The following LARGE1 variants were observed in gnomAD, a reference collection of about 807,000 sequenced individuals.
The protein encoded by LARGE1 is LARGE xylosyl- and glucuronyltransferase 1.
LARGE1 carries 43 observed loss-of-function variants against 87.6 expected under a neutral mutation model. The ratio of observed to expected loss-of-function variants is 0.49; its 90% confidence interval spans 0.38 to 0.63. The LOEUF is 0.63. LARGE1 is among the 30% of genes least tolerant of loss of function. The pLI is 0.00. For missense variants in LARGE1, 802 were observed against 1,000.2 expected (o/e 0.80, Z 2.67); for synonymous variants, 434 against 394.6 (o/e 1.10, Z -1.18).
At chr22:33,087,721 G>T in the LARGE1 span, among the ~76,000 whole-genome samples, 7 of 152,078 alleles carry the variant, frequency 4.6e-5, no homozygotes, top group Non-Finnish European at 7.4e-5. Flanking sequence ...GATCACCTGC[G>T]GCCAGGAGTT....
In LARGE1 at chr22:33,272,523, T is replaced by G. The variant is rs1264663737; in HGVS notation, c.*1904A>C. Among the ~76,000 whole-genome samples, 13 of 152,374 alleles carry G rather than the reference T, an allele frequency of 8.5e-5. No homozygotes were observed. Among genetic ancestry groups the G allele is most frequent in the African/African-American group, 3.1e-4 (13 of 41,584 alleles). The stretch of plus-strand genomic sequence containing the variant: ...TTGACATGTACTTTCAAAATTTTTG[T>G]TCTGCTTTATACATATATGTCACTT... On this transcript the variant is annotated 3_prime_UTR_variant, in exon 15 of 15. Coordinates refer to ENST00000397394, the MANE Select transcript of LARGE1 (RefSeq NM_133642.5).
intron 2 of LARGE1, among the ~76,000 whole-genome samples, chr22:33,690,941 G>A (rs972005296): frequency 1.3e-5 from 2 of 152,082 alleles, no homozygotes; most frequent in East Asian, 3.9e-4. Context: ...CAGAGCAGGC[G>A]CTCATGTGGA....
At chr22:33,672,329 C>T (rs1466836777) in intron 2 of LARGE1, among the ~76,000 whole-genome samples, 3 of 152,190 alleles carry the variant, frequency 2.0e-5, no homozygotes, top group African/African-American at 7.2e-5. Flanking sequence ...CATCTATTAA[C>T]CCTTCCACCT....
intron 2 of LARGE1, among the ~76,000 whole-genome samples, chr22:33,709,884 C>G (rs1038103895): frequency 2.0e-5 from 3 of 151,394 alleles, no homozygotes; most frequent in Non-Finnish European, 4.4e-5. Flanking sequence ...GCCTCGGCCT[C>G]TCAAAGTGCT....
At chr22:33,881,811 G>C (rs758626940) in intron 1 of LARGE1, among the ~76,000 whole-genome samples, 2 of 152,208 alleles carry the variant, frequency 1.3e-5, no homozygotes, top group Non-Finnish European at 2.9e-5. Flanking sequence ...CCTTAAGTGA[G>C]TGATCATCTT....
intron 7 of LARGE1, among the ~76,000 whole-genome samples, chr22:33,416,548 T>C (rs1301789529): frequency 2.6e-5 from 4 of 151,692 alleles, no homozygotes; most frequent in Non-Finnish European, 4.4e-5. Flanking sequence ...GTTTTGTGTG[T>C]TTTTTTTGGG....
chr22:33,869,581 G>A (rs927074612), intron 1 of LARGE1, among the ~76,000 whole-genome samples: 2 of 152,144 alleles, frequency 1.3e-5, no homozygotes, highest in Admixed American at 6.5e-5. Context: ...CCTCACTGAC[G>A]AGAAAACACC....
intron 1 of LARGE1, among the ~76,000 whole-genome samples, chr22:33,883,867 C>G (rs1481501996): frequency 6.6e-6 from 1 of 152,242 alleles, no homozygotes; most frequent in East Asian, 1.9e-4. Flanking sequence ...CTCCCTCTCT[C>G]TCCCTTCTGT....
chr22:33,128,808 A>G, the LARGE1 span, among the ~76,000 whole-genome samples: 1 of 152,232 alleles, frequency 6.6e-6, no homozygotes, highest in Non-Finnish European at 1.5e-5. Context: ...ACATGGATGG[A>G]GGTGAAAGCC....
At chr22:33,729,518 C>G (rs1276764150) in intron 2 of LARGE1, among the ~76,000 whole-genome samples, 1 of 152,196 alleles carries the variant, frequency 6.6e-6, no homozygotes, top group Non-Finnish European at 1.5e-5. Flanking sequence ...ATAATATGAT[C>G]AGTTAGGGTA....
chr22:33,851,726 G>A (rs1478434749), intron 1 of LARGE1, among the ~76,000 whole-genome samples: 2 of 152,238 alleles, frequency 1.3e-5, no homozygotes, highest in African/African-American at 4.8e-5. Context: ...ACTGTGTTCA[G>A]TGATTTAGGG....
intron 11 of LARGE1, among the ~76,000 whole-genome samples, chr22:33,314,305 C>A (rs974843738): frequency 6.6e-6 from 1 of 152,152 alleles, no homozygotes; most frequent in Non-Finnish European, 1.5e-5. Context: ...AAGAGACCGC[C>A]GGCCCCTGAA....
chr22:33,856,983 T>C (rs1226122402), intron 1 of LARGE1, among the ~76,000 whole-genome samples: 1 of 152,222 alleles, frequency 6.6e-6, no homozygotes, highest in Non-Finnish European at 1.5e-5. Flanking sequence ...CAGGCTGGAA[T>C]GCAGTGGCGT....
rs113707336 is a variant in LARGE1 at position 33,395,790 on chromosome 22, A to G, written c.893-11486T>C. On this transcript the variant is annotated intron_variant, in intron 7 of 14. Transcript: ENST00000397394. The stretch of plus-strand genomic sequence containing the variant: ...TACTTCTCACAGTGTATGATGTAGC[A>G]TTCTGTAGGATGCTAGTAAATGTTG... Among the ~76,000 whole-genome samples, 806 of 152,318 alleles carry G rather than the reference A, an allele frequency of 5.3e-3. 9 individuals are homozygous for G. Among genetic ancestry groups the G allele is most frequent in the African/African-American group, 0.018 (766 of 41,566 alleles).
the LARGE1 span, among the ~76,000 whole-genome samples, chr22:33,103,839 C>G: frequency 6.6e-6 from 1 of 152,062 alleles, no homozygotes; most frequent in Non-Finnish European, 1.5e-5. Context: ...GGGTGGTTTC[C>G]CTTATACTGT....
chr22:33,671,358 C>T (rs1603077565), intron 2 of LARGE1, among the ~76,000 whole-genome samples: 1 of 152,308 alleles, frequency 6.6e-6, no homozygotes, highest in East Asian at 1.9e-4. Flanking sequence ...GAATGGCCTG[C>T]AATTACACCT....
rs569565407 is a variant in LARGE1, at chr22:33,904,214, T to C, written c.-83+15781A>G. Among the ~76,000 whole-genome samples, 482 of 152,128 alleles carry C rather than the reference T, an allele frequency of 3.2e-3. 2 individuals are homozygous for C. The highest frequency in any genetic ancestry group is 0.011 in the African/African-American group (453 of 41,540). ...TCTTTTGAGATGGAGTCTCATTCTG[T>C]CGCCAGGCTGGGCTCACTGCAACCT... On this transcript the variant is annotated intron_variant, in intron 1 of 14. Coordinates refer to ENST00000397394, the MANE Select transcript of LARGE1 (RefSeq NM_133642.5).
At chr22:33,570,022 C>A (rs1174603952) in intron 5 of LARGE1, among the ~76,000 whole-genome samples, 1 of 152,206 alleles carries the variant, frequency 6.6e-6, no homozygotes, top group African/African-American at 2.4e-5. Context: ...CAGGACAGAA[C>A]AACAGAAGAG....
At chr22:33,457,407 C>T (rs1321402770) in intron 6 of LARGE1, among the ~76,000 whole-genome samples, 2 of 149,974 alleles carry the variant, frequency 1.3e-5, no homozygotes, top group African/African-American at 4.9e-5. Flanking sequence ...CTGCCCGCCT[C>T]AGGGCTCCCA....
Sources: gnomAD v4.1 joint callset for allele counts (sites outside exome capture counted in the v4.1 genomes callset) on GRCh38, gnomAD v4.1.1 for gene constraint, MANE v1.5 for transcripts, NCBI Gene and HGNC (gene_info 2026-07-23, HGNC 2026-07-21) for gene names.